The following ZSWIM6 variants were observed in gnomAD, a reference collection of about 807,000 sequenced individuals.
ZSWIM6 encodes zinc finger SWIM-type containing 6.
Under a neutral mutation model 113.2 loss-of-function variants are expected in ZSWIM6, and 9 were observed. The observed-to-expected ratio is 0.08, with a 90% CI of 0.05 to 0.14. The LOEUF is 0.14. ZSWIM6 is among the 10% of genes least tolerant of loss of function. The probability of loss-of-function intolerance (pLI) is 1.00; values close to 1 mark genes in which losing one functional copy is unlikely to be tolerated. For missense variants in ZSWIM6, 1,162 were observed against 1,552.2 expected (o/e 0.75, Z 4.22); for synonymous variants, 611 against 606.5 (o/e 1.01, Z -0.11).
At position 61,487,976 on chromosome 5, in the gene ZSWIM6, C is replaced by T. The variant is rs113066001; in HGVS notation, c.1034-2810C>T. On this transcript the variant is annotated intron_variant, in intron 2 of 13. Transcript: ENST00000252744. Reference sequence around the variant, plus strand: ...ATTCCAGTTCTTAGAATGCTTTCAACTTTTCCCCATTCAGTATGACGTTGG... The same window carrying T: ...ATTCCAGTTCTTAGAATGCTTTCAATTTTTCCCCATTCAGTATGACGTTGG... Among the ~76,000 whole-genome samples, 41 of 152,094 alleles carry T rather than the reference C, an allele frequency of 2.7e-4. 2 individuals carry two copies. The highest frequency in any genetic ancestry group is 9.6e-4 in the African/African-American group (40 of 41,538).
intron 9 of ZSWIM6, among the ~76,000 whole-genome samples, chr5:61,533,913 T>G (rs1749510191): frequency 6.6e-6 from 1 of 152,188 alleles, no homozygotes; most frequent in Non-Finnish European, 1.5e-5. Context: ...ACTCTTCCTG[T>G]CTTGAAGACA....
chr5:61,351,868 G>GT (rs1275518111), intron 1 of ZSWIM6, among the ~76,000 whole-genome samples: 1 of 152,196 alleles, frequency 6.6e-6, no homozygotes, highest in Non-Finnish European at 1.5e-5. Context: ...ACATGCATGT[G>GT]TAAGAGTGGA....
At chr5:61,511,805 T>TA (rs1409090333) in intron 4 of ZSWIM6, among the ~76,000 whole-genome samples, 1 of 152,130 alleles carries the variant, frequency 6.6e-6, no homozygotes, top group Non-Finnish European at 1.5e-5. Flanking sequence ...CACTTACCTT[T>TA]AAAATAGAAT....
At chr5:61,519,388 A>G (rs1749051221) in intron 4 of ZSWIM6, among the ~76,000 whole-genome samples, 2 of 152,130 alleles carry the variant, frequency 1.3e-5, no homozygotes, top group African/African-American at 2.4e-5. Context: ...TCGTTTATAA[A>G]GTTCCCTGGA....
intron 1 of ZSWIM6, among the ~76,000 whole-genome samples, chr5:61,464,224 T>C (rs935497887): frequency 4.9e-5 from 7 of 141,586 alleles, no homozygotes; most frequent in African/African-American, 1.8e-4. Context: ...ATCTCCATGT[T>C]GGCCAGGCTA....
At chr5:61,465,114 A>G (rs1027075636) in intron 1 of ZSWIM6, among the ~76,000 whole-genome samples, 25 of 152,348 alleles carry the variant, frequency 1.6e-4, no homozygotes, top group Admixed American at 1.4e-3. Context: ...CTTTCTTTGT[A>G]TTAGAAAAGG....
chr5:61,515,910 C>A (rs1748922755), intron 4 of ZSWIM6, among the ~76,000 whole-genome samples: 1 of 152,008 alleles, frequency 6.6e-6, no homozygotes, highest in Non-Finnish European at 1.5e-5. Flanking sequence ...TTATGTAATG[C>A]CCCTCTTTAT....
chr5:61,348,308 G>A (rs1744708940), intron 1 of ZSWIM6, among the ~76,000 whole-genome samples: 1 of 152,030 alleles, frequency 6.6e-6, no homozygotes. Context: ...GGTGGTAGTG[G>A]GTTAAGCCAT....
chr5:61,343,519 A>C (rs1744591219), intron 1 of ZSWIM6, among the ~76,000 whole-genome samples: 1 of 152,142 alleles, frequency 6.6e-6, no homozygotes, highest in African/African-American at 2.4e-5. Flanking sequence ...TGTATGTGAT[A>C]AATGTTTGCT....
rs570027244 is a variant in ZSWIM6 at position 61,415,875 on chromosome 5, T to A, written c.677-56806T>A. Among the ~76,000 whole-genome samples the A allele has an allele frequency of 4.6e-5, 7 of 152,322 alleles. No individual in the cohort carries two copies. The South Asian group carries it at 1.4e-3, about 32-fold the overall frequency. On this transcript the variant is annotated intron_variant, in intron 1 of 13. Transcript: ENST00000252744. ...AGATTTTTGGTTTGTTTTAAACAAC[T>A]GAGAATGTTAAGGACAAAAAAGACT... is the stretch of plus-strand genomic sequence containing the variant.
At chr5:61,357,139 A>G (rs1177808382) in intron 1 of ZSWIM6, among the ~76,000 whole-genome samples, 1 of 152,104 alleles carries the variant, frequency 6.6e-6, no homozygotes, top group Non-Finnish European at 1.5e-5. Context: ...TAAGCATTCC[A>G]GGTGATTCTG....
intron 1 of ZSWIM6, among the ~76,000 whole-genome samples, chr5:61,399,724 T>C (rs761098767): frequency 6.6e-6 from 1 of 152,244 alleles, no homozygotes; most frequent in Non-Finnish European, 1.5e-5. Flanking sequence ...AATTGGTTTC[T>C]CCAATTTCTA....
intron 1 of ZSWIM6, among the ~76,000 whole-genome samples, chr5:61,381,631 G>A (rs889163825): frequency 2.0e-5 from 3 of 152,120 alleles, no homozygotes; most frequent in African/African-American, 7.2e-5. Flanking sequence ...TGGCTACTTG[G>A]CTATGGAAAA....
chr5:61,440,939 G>C (rs915187156), intron 1 of ZSWIM6, among the ~76,000 whole-genome samples: 14 of 152,166 alleles, frequency 9.2e-5, no homozygotes, highest in Non-Finnish European at 1.6e-4. Flanking sequence ...TCTGCAGAAA[G>C]TACTTTGGTC....
At chr5:61,505,894 C>T (rs1007418797) in intron 4 of ZSWIM6, among the ~76,000 whole-genome samples, 9 of 151,614 alleles carry the variant, frequency 5.9e-5, no homozygotes, top group Admixed American at 5.9e-4. Context: ...TTACAGGCGT[C>T]CACCACCATG....
At chr5:61,401,857 C>T (rs1348619195) in intron 1 of ZSWIM6, among the ~76,000 whole-genome samples, 1 of 152,134 alleles carries the variant, frequency 6.6e-6, no homozygotes, top group Non-Finnish European at 1.5e-5. Context: ...CCAAATGTCC[C>T]ATTAAGCCAA....
At chr5:61,496,051 T>C (rs1212685328) in intron 4 of ZSWIM6, among the ~76,000 whole-genome samples, 1 of 152,180 alleles carries the variant, frequency 6.6e-6, no homozygotes, top group African/African-American at 2.4e-5. Context: ...TGGTCAAATG[T>C]CACTTTTCCA....
chr5:61,445,559 A>T (rs1188212283), intron 1 of ZSWIM6, among the ~76,000 whole-genome samples: 1 of 152,232 alleles, frequency 6.6e-6, no homozygotes, highest in African/African-American at 2.4e-5. Context: ...TACTTAATCC[A>T]AGTGAATGTT....
intron 1 of ZSWIM6, among the ~76,000 whole-genome samples, chr5:61,385,310 A>G (rs1375648916): frequency 6.6e-6 from 1 of 152,242 alleles, no homozygotes; most frequent in East Asian, 1.9e-4. Flanking sequence ...CTCCCAAGCC[A>G]GCATGTATTC....
Sources: allele counts gnomAD v4.1 joint callset (sites outside exome capture counted in the v4.1 genomes callset), GRCh38; gene constraint gnomAD v4.1.1; transcripts MANE v1.5; gene names NCBI Gene and HGNC (gene_info 2026-07-23, HGNC 2026-07-21).